Variants in INTS4 observed in about 807,000 individuals in gnomAD.
The protein encoded by INTS4 is integrator complex subunit 4.
INTS4 carries 70 observed loss-of-function variants against 119.5 expected under a neutral mutation model. The ratio of observed to expected loss-of-function variants is 0.59; its 90% CI spans 0.48 to 0.71. The LOEUF is 0.71. Ranked by LOEUF, INTS4 falls within the 30% of genes least tolerant of loss-of-function variation. INTS4 has a pLI of 0.00. For synonymous variants in INTS4, 316 were observed against 419.6 expected, an observed-to-expected ratio of 0.75 and a Z score of 3.02; for missense variants, 867 against 1,173.2, an observed-to-expected ratio of 0.74 and a Z score of 3.81.
intron 21 of INTS4, among the ~76,000 whole-genome samples, chr11:77,889,199 G>A (rs1295942716): frequency 1.3e-5 from 2 of 152,124 alleles, no homozygotes; most frequent in Non-Finnish European, 2.9e-5. Context: ...CGATAGACTG[G>A]ATTAAGAAAA....
intron 2 of INTS4, 114 bp downstream of exon 2, chr11:77,990,994 A>T: frequency 1.2e-6 from 1 of 848,592 alleles, no homozygotes; most frequent in Non-Finnish European, 1.9e-6. Flanking sequence ...CACTTGGAAG[A>T]CACTCAATAA....
Position 77,903,930 on chromosome 11 carries a change from G to A in INTS4, c.2017-310C>T, listed in dbSNP as rs141442825. Among the ~76,000 whole-genome samples, 782 of 152,186 alleles carry A rather than the reference G, an allele frequency of 5.1e-3. 3 individuals are homozygous for A. The highest frequency in any genetic ancestry group is 0.018 in the African/African-American group (738 of 41,504). On this transcript the variant is annotated intron_variant, in intron 16 of 22. Transcript: ENST00000534064. The stretch of plus-strand genomic sequence containing the variant: ...AGAATGCGCAGGCAAGCCAGCTTCC[G>A]GGCTCTAGGCACTCCTTGTTCCCAG...
At chr11:77,874,401 G>C (rs1441912893), downstream of INTS4, among the ~76,000 whole-genome samples, 1 of 149,468 alleles carries the variant, frequency 6.7e-6, no homozygotes, top group East Asian at 2.0e-4. Context: ...TCAAATGTAA[G>C]GTGAGACAGC....
intron 7 of INTS4, among the ~76,000 whole-genome samples, 164 bp from the exon 8 acceptor site, chr11:77,956,226 T>C (rs1159466244): frequency 6.6e-6 from 1 of 152,064 alleles, no homozygotes; most frequent in Non-Finnish European, 1.5e-5. Flanking sequence ...CTGAGCAATA[T>C]GGCAAAACCT....
chr11:77,958,121 T>C (rs1369005609), intron 7 of INTS4, among the ~76,000 whole-genome samples: 1 of 152,096 alleles, frequency 6.6e-6, no homozygotes, highest in Non-Finnish European at 1.5e-5. Flanking sequence ...TACAGGTTTA[T>C]TAATTCATTC....
At chr11:77,921,602 A>G in intron 13 of INTS4, 129 bp from the exon 14 acceptor site, 1 of 653,184 alleles carries the variant, frequency 1.5e-6, no homozygotes, top group Non-Finnish European at 2.8e-6. Context: ...AAATGCAAAT[A>G]CAAACAACAA....
intron 19 of INTS4, 123 bp from the exon 20 acceptor site, chr11:77,891,963 T>A: frequency 6.6e-7 from 1 of 1,519,866 alleles, no homozygotes; most frequent in Non-Finnish European, 8.9e-7. Flanking sequence ...AGCTTGCAGT[T>A]TACGACCAAG....
chr11:77,955,859 C>T (rs1273232352), intron 8 of INTS4, 83 bp downstream of exon 8: 1 of 1,366,386 alleles, frequency 7.3e-7, no homozygotes, highest in South Asian at 1.3e-5. Context: ...TTGAGACCAA[C>T]CTGGGCCACA....
chr11:77,910,189 A>G (rs1406994164), intron 15 of INTS4, among the ~76,000 whole-genome samples: 1 of 152,150 alleles, frequency 6.6e-6, no homozygotes, highest in African/African-American at 2.4e-5. Context: ...ACTTGGAACC[A>G]AGCCAAATGT....
chr11:77,877,183 C>G, downstream of INTS4: 1 of 594,388 alleles, frequency 1.7e-6, no homozygotes, highest in African/African-American at 1.9e-5. Context: ...ATTGTGTGAC[C>G]TAGGACAGGT....
At chr11:77,925,847 A>G (rs924787805) in intron 11 of INTS4, among the ~76,000 whole-genome samples, 3 of 152,212 alleles carry the variant, frequency 2.0e-5, no homozygotes, top group African/African-American at 4.8e-5. Context: ...CCTTTCCACT[A>G]GCTGTTGCCT....
chr11:77,924,012 G>A (rs1246319447), intron 12 of INTS4, among the ~76,000 whole-genome samples: 4 of 149,176 alleles, frequency 2.7e-5, no homozygotes, highest in African/African-American at 4.9e-5. Flanking sequence ...TGATCCACCC[G>A]CCCCAGCCTC....
At chr11:77,963,447 G>A (rs751879673) in intron 4 of INTS4, 3 of 431,662 alleles carry the variant, frequency 6.9e-6, no homozygotes, top group Non-Finnish European at 1.4e-5. Flanking sequence ...AGTGTCTGCA[G>A]ATGCTATTTG....
chr11:77,878,603 A>G (rs72939439), downstream of INTS4: 70,901 of 573,728 alleles, frequency 0.12, 5,008 homozygotes, highest in Admixed American at 0.2. Flanking sequence ...ATAACCAGTT[A>G]TCAGGAGGTA....
At chr11:77,979,618 T>C (rs544332129) in intron 3 of INTS4, among the ~76,000 whole-genome samples, 1 of 151,428 alleles carries the variant, frequency 6.6e-6, no homozygotes, top group Non-Finnish European at 1.5e-5. Context: ...TCTATATACA[T>C]AGTGTGCTCC....
At position 77,963,352 on chromosome 11, in the gene INTS4, C is replaced by CAAAAAAA. The variant is rs777966254; in HGVS notation, c.472-2221_472-2215dup. ...CCGGGCGCAGAACGAGACTCCGTCT[C>CAAAAAAA]AAAAAAAAAAAAAAAAAAAAAACAA... On this transcript the variant is annotated intron_variant, in intron 4 of 22. Transcript: ENST00000534064. 200 of 177,298 alleles carry CAAAAAAA rather than the reference C, an allele frequency of 1.1e-3. 1 individual carries two copies. The highest frequency in any genetic ancestry group is 2.5e-3 in the African/African-American group (41 of 16,656). 11.0% of individuals were successfully genotyped at this position (177,298 alleles called of 1,614,324 possible).
intron 8 of INTS4, among the ~76,000 whole-genome samples, chr11:77,945,941 C>T (rs943707850): frequency 2.6e-5 from 4 of 152,224 alleles, no homozygotes; most frequent in African/African-American, 9.6e-5. Context: ...TTGAGCCTAG[C>T]CCAAAGCAAC....
Position 77,928,146 on chromosome 11 carries a change from T to C in INTS4, c.1371+196A>G, listed in dbSNP as rs1240684877. Among the ~76,000 whole-genome samples the C allele has an allele frequency of 2.0e-5, 3 of 152,192 alleles. 1 individual carries two copies. Among genetic ancestry groups the C allele is most frequent in the South Asian group, 2.1e-4 (1 of 4,836 alleles). ...ATTCCCTAGGCATCCTATCCTTTCT[T>C]GATCACAGAAAGACCAAGCTTATTC... is the stretch of plus-strand genomic sequence containing the variant. On this transcript the variant is annotated intron_variant, in intron 11 of 22. Coordinates refer to ENST00000534064, the MANE Select transcript of INTS4 (RefSeq NM_033547.4).
intron 10 of INTS4, among the ~76,000 whole-genome samples, chr11:77,932,359 CTCA>C: frequency 6.6e-6 from 1 of 152,266 alleles, no homozygotes; most frequent in East Asian, 1.9e-4. Flanking sequence ...TTAAAAAAAG[CTCA>C]TCATCACTGG....
Sources: gnomAD v4.1 joint callset for allele counts (sites outside exome capture counted in the v4.1 genomes callset) on GRCh38, gnomAD v4.1.1 for gene constraint, MANE v1.5 for transcripts, NCBI Gene and HGNC (gene_info 2026-07-23, HGNC 2026-07-21) for gene names.